Variants in APPBP2 observed in about 807,000 individuals in gnomAD.
APPBP2 encodes amyloid beta precursor protein binding protein 2.
A neutral mutation model predicts 76.0 loss-of-function variants in APPBP2; 15 were observed. That is an observed-to-expected ratio of 0.20 (90% CI 0.13 to 0.30). The LOEUF is 0.30. Among genes scored for constraint, APPBP2 ranks in the 10% least tolerant of loss-of-function variants. The pLI is 1.00. For missense variants in APPBP2, 401 were observed against 687.2 expected (o/e 0.58, Z 4.66); for synonymous variants, 222 against 242.2 (o/e 0.92, Z 0.77).
chr17:60,453,418 C>A (rs763351152), intron 11 of APPBP2, among the ~76,000 whole-genome samples: 1 of 151,976 alleles, frequency 6.6e-6, no homozygotes, highest in Non-Finnish European at 1.5e-5. Flanking sequence ...TCCTGACCCT[C>A]AAGTGTTCTG....
intron 2 of APPBP2, among the ~76,000 whole-genome samples, chr17:60,497,479 A>G (rs1284056623): frequency 6.6e-6 from 1 of 152,212 alleles, no homozygotes; most frequent in Non-Finnish European, 1.5e-5. Context: ...CTACATTTTA[A>G]TAACTGAAAG....
chr17:60,523,890 C>T (rs967182838), intron 1 of APPBP2, among the ~76,000 whole-genome samples: 3 of 152,168 alleles, frequency 2.0e-5, no homozygotes, highest in Non-Finnish European at 4.4e-5. Flanking sequence ...AATTAAATTA[C>T]TTAACTTTCT....
At chr17:60,458,417 G>C (rs1207559363) in intron 9 of APPBP2, among the ~76,000 whole-genome samples, 1 of 150,938 alleles carries the variant, frequency 6.6e-6, no homozygotes, top group East Asian at 1.9e-4. Context: ...CTGGGCGACA[G>C]AGTGACAGAC....
intron 10 of APPBP2, among the ~76,000 whole-genome samples, chr17:60,455,151 CAAAT>C (rs1321167436): frequency 1.3e-5 from 2 of 150,576 alleles, no homozygotes; most frequent in Non-Finnish European, 3.0e-5. Flanking sequence ...TTATAAGAGT[CAAAT>C]AATAAAGGTA....
intron 3 of APPBP2, among the ~76,000 whole-genome samples, chr17:60,489,642 G>A (rs181388382): frequency 9.6e-5 from 14 of 145,610 alleles, no homozygotes; most frequent in East Asian, 4.0e-4. Context: ...GATTAAAAAT[G>A]ACTGTTAAAA....
chr17:60,497,647 A>C (rs1320707482), intron 2 of APPBP2, among the ~76,000 whole-genome samples: 4 of 152,150 alleles, frequency 2.6e-5, no homozygotes, highest in African/African-American at 9.7e-5. Context: ...ATGTACCCCC[A>C]AAAACTTAAA....
Position 60,513,199 on chromosome 17 carries a change from G to A in APPBP2, c.138+12595C>T, listed in dbSNP as rs114879086. The A allele has an allele frequency of 7.6e-3, 2,782 of 365,644 alleles. 79 individuals are homozygous for A. The highest frequency in any genetic ancestry group is 0.052 in the African/African-American group (2,424 of 46,408). The allele number at this position is 365,644 out of a possible 1,614,324, so 22.6% of individuals were successfully genotyped here. A position where few individuals can be genotyped will look rare whatever the true frequency, so the allele number is the denominator to read the frequency against. On this transcript the variant is annotated intron_variant, in intron 1 of 12. Coordinates refer to ENST00000083182, the MANE Select transcript of APPBP2 (RefSeq NM_006380.5). The stretch of plus-strand genomic sequence containing the variant: ...AGCCTGCCAAGACAGCAGTGCAAGC[G>A]GCCAAGAGGGCGAGCATTCGACTTC...
chr17:60,479,372 A>G (rs75870810), intron 3 of APPBP2, 101 bp from the exon 4 acceptor site: 51 of 1,215,514 alleles, frequency 4.2e-5, no homozygotes, highest in Non-Finnish European at 5.5e-5. Context: ...AAAATAAACC[A>G]TGATAGTAAA....
intron 12 of APPBP2, among the ~76,000 whole-genome samples, 170 bp from the exon 13 acceptor site, chr17:60,448,004 C>T (rs2090363699): frequency 6.6e-6 from 1 of 152,166 alleles, no homozygotes; most frequent in Non-Finnish European, 1.5e-5. Flanking sequence ...CAGTCCCAAC[C>T]ATGAGCTATC....
intron 1 of APPBP2, among the ~76,000 whole-genome samples, chr17:60,521,487 A>C (rs1477858900): frequency 6.6e-6 from 1 of 152,104 alleles, no homozygotes; most frequent in Non-Finnish European, 1.5e-5. Context: ...ACCATTTCTT[A>C]TCTTTTATAC....
chr17:60,472,186 C>G (rs1179541134), intron 4 of APPBP2, among the ~76,000 whole-genome samples: 1 of 152,040 alleles, frequency 6.6e-6, no homozygotes, highest in African/African-American at 2.4e-5. Context: ...CAAAACAAAA[C>G]AAGTTAGGAA....
intron 2 of APPBP2, among the ~76,000 whole-genome samples, chr17:60,495,218 C>T (rs1357069072): frequency 1.3e-5 from 2 of 151,360 alleles, no homozygotes; most frequent in Non-Finnish European, 1.5e-5. Flanking sequence ...AATCTCTTGA[C>T]CTTGTGATCT....
intron 4 of APPBP2, among the ~76,000 whole-genome samples, 184 bp downstream of exon 4, chr17:60,478,964 T>C (rs2090610221): frequency 6.6e-6 from 1 of 152,136 alleles, no homozygotes. Flanking sequence ...AAATCTAACC[T>C]AAGCTGTCTA....
chr17:60,487,044 A>G (rs1419594286), intron 3 of APPBP2, among the ~76,000 whole-genome samples: 2 of 152,126 alleles, frequency 1.3e-5, no homozygotes, highest in Non-Finnish European at 2.9e-5. Context: ...TGGCTTGTAG[A>G]GTTTCTGCTG....
chr17:60,496,763 C>T (rs1486663635), intron 2 of APPBP2, among the ~76,000 whole-genome samples: 3 of 152,116 alleles, frequency 2.0e-5, no homozygotes, highest in Admixed American at 2.0e-4. Context: ...CTCTGTCACC[C>T]AGGCTGGAGT....
intron 1 of APPBP2, among the ~76,000 whole-genome samples, chr17:60,523,700 C>T (rs563479402): frequency 6.6e-6 from 1 of 152,190 alleles, no homozygotes; most frequent in South Asian, 2.1e-4. Flanking sequence ...ATAATTTCTT[C>T]TTACATCTCC....
chr17:60,446,338 C>G lies in APPBP2; in HGVS notation c.*1243G>C, dbSNP rs939136228. The G allele has an allele frequency of 6.6e-6, 1 of 152,448 alleles. No homozygotes were observed. The highest frequency in any genetic ancestry group is 2.4e-5 in the African/African-American group (1 of 41,428). 9.4% of individuals were successfully genotyped at this position (152,448 alleles called of 1,614,324 possible). ...CTGACTGGCTTACAAAAAATCAAAT[C>G]AAAACCCAATAAACAGAAAGACAAG... On this transcript the variant is annotated 3_prime_UTR_variant, in exon 13 of 13. Transcript: ENST00000083182.
chr17:60,494,984 G>GTTTTTTTTTTTTTTTTTTT (rs60043373), intron 2 of APPBP2, among the ~76,000 whole-genome samples: 5 of 107,038 alleles, frequency 4.7e-5, no homozygotes, highest in Admixed American at 9.2e-5. Context: ...GTTTTGTTTT[G>GTTTTTTTTTTTTTTTTTTT]TTTTTTTTTT....
At chr17:60,465,083 C>A (rs895339407) in intron 5 of APPBP2, 1 of 152,092 alleles carries the variant, frequency 6.6e-6, no homozygotes, top group Non-Finnish European at 1.5e-5. Context: ...TTTCTTTCCA[C>A]AATTAAAATA....
Sources: gnomAD v4.1 joint callset for allele counts (sites outside exome capture counted in the v4.1 genomes callset) on GRCh38, gnomAD v4.1.1 for gene constraint, MANE v1.5 for transcripts, NCBI Gene and HGNC (gene_info 2026-07-23, HGNC 2026-07-21) for gene names.